Variants in RIPK1 observed in about 807,000 individuals in gnomAD.
RIPK1 encodes the protein receptor interacting serine/threonine kinase 1, also known as receptor-interacting serine/threonine-protein kinase 1.
In RIPK1, 27 loss-of-function variants were observed where a neutral mutation model predicts 62.4. The ratio of observed to expected loss-of-function variants is 0.43; its 90% CI spans 0.32 to 0.60. RIPK1 has a LOEUF of 0.60. Ranked by LOEUF, RIPK1 falls within the 20% of genes least tolerant of loss-of-function variation. RIPK1 has a pLI of 0.07. For synonymous variants in RIPK1, 287 were observed against 303.2 expected (o/e 0.95, Z 0.55); for missense variants, 735 against 831.0 (o/e 0.88, Z 1.42).
chr6:3,100,736 G>A (rs1026301191), intron 7 of RIPK1, among the ~76,000 whole-genome samples: 3 of 115,716 alleles, frequency 2.6e-5, no homozygotes, highest in Admixed American at 1.5e-4. Context: ...GATTACAGGC[G>A]TGTACCACCA....
intron 1 of RIPK1, among the ~76,000 whole-genome samples, chr6:3,074,003 G>A (rs145211423): frequency 1.6e-4 from 24 of 152,254 alleles, no homozygotes; most frequent in South Asian, 8.3e-4. Flanking sequence ...TACACATCTC[G>A]AAATACTTCA....
At chr6:3,099,759 A>C (rs1481150146) in intron 7 of RIPK1, among the ~76,000 whole-genome samples, 1 of 152,208 alleles carries the variant, frequency 6.6e-6, no homozygotes, top group African/African-American at 2.4e-5. Flanking sequence ...AATAACAAGC[A>C]GTCTTCTGCA....
chr6:3,087,664 C>G (rs182736744), intron 6 of RIPK1, among the ~76,000 whole-genome samples: 2 of 152,044 alleles, frequency 1.3e-5, no homozygotes, highest in East Asian at 3.9e-4. Context: ...CTCAGCCTCC[C>G]GAGTAGCTGG....
At chr6:3,079,235 A>T (rs187080380) in intron 3 of RIPK1, among the ~76,000 whole-genome samples, 1 of 152,036 alleles carries the variant, frequency 6.6e-6, no homozygotes, top group African/African-American at 2.4e-5. Flanking sequence ...GCCTACCACC[A>T]TGCCTGGCTA....
Position 3,072,195 on chromosome 6 carries a change from G to T in RIPK1, c.-61+3534G>T, listed in dbSNP as rs1758751686. Among the ~76,000 whole-genome samples, 15 of 152,220 alleles carry T rather than the reference G, an allele frequency of 9.9e-5. No individual in the cohort carries two copies. In the South Asian group the frequency reaches 3.1e-3, roughly 32 times the overall value. On this transcript the variant is annotated intron_variant, in intron 1 of 10. Transcript: ENST00000259808. This position sits in a 1 kb window ranked among gnomAD's most constrained non-coding sequence, Gnocchi z 5.6. ...TGATCCCTCAGAGTAAAGAAATACT[G>T]AGTCAAGGAATTATTCCTTTCAAAA... is the stretch of plus-strand genomic sequence containing the variant.
intron 7 of RIPK1, among the ~76,000 whole-genome samples, chr6:3,099,964 C>G (rs1224084551): frequency 6.6e-6 from 1 of 152,044 alleles, no homozygotes; most frequent in East Asian, 1.9e-4. Context: ...TAAGTAACTG[C>G]CCTAAATTAT....
chr6:3,113,408 T>G lies in RIPK1; in HGVS notation c.*69T>G. Reference sequence around the variant, plus strand: ...GGATAACCCCAGAAAGTTGGCTGCCTCAGAGCATTCAGAATTCTGTCCTCA... The same window carrying G: ...GGATAACCCCAGAAAGTTGGCTGCCGCAGAGCATTCAGAATTCTGTCCTCA... On this transcript the variant is annotated 3_prime_UTR_variant, in exon 11 of 11. Transcript: ENST00000259808. The surrounding 1 kb of genome is among the most constrained non-coding windows in gnomAD (Gnocchi z 5.0). The G allele has an allele frequency of 6.9e-7, 1 of 1,446,286 alleles. No homozygotes were observed. Among genetic ancestry groups the G allele is most frequent in the Non-Finnish European group, 9.4e-7 (1 of 1,064,902 alleles). 89.6% of individuals were successfully genotyped at this position (1,446,286 alleles called of 1,614,324 possible). A position where few individuals can be genotyped will look rare whatever the true frequency, so the allele number is the denominator to read the frequency against.
chr6:3,104,407 A>G, intron 8 of RIPK1, 92 bp downstream of exon 8: 1 of 669,274 alleles, frequency 1.5e-6, no homozygotes, highest in Non-Finnish European at 2.7e-6. Context: ...CCATATGGGA[A>G]ACAGAAGAAA....
intron 7 of RIPK1, among the ~76,000 whole-genome samples, chr6:3,090,760 G>A (rs1007806313): frequency 1.7e-4 from 25 of 151,330 alleles, no homozygotes; most frequent in Non-Finnish European, 4.4e-5. Context: ...AATAACCGCA[G>A]CGCACCTACC....
intron 7 of RIPK1, among the ~76,000 whole-genome samples, chr6:3,099,539 G>A (rs112657186): frequency 0.025 from 3,837 of 152,120 alleles, 168 homozygotes; most frequent in African/African-American, 0.088. Context: ...GTGAGACTCC[G>A]TCTCAAAAAA....
Position 3,113,974 on chromosome 6 carries a change from T to C in RIPK1, c.*635T>C, listed in dbSNP as rs1323637822. 3 of 152,256 alleles carry C rather than the reference T, an allele frequency of 2.0e-5. No individual in the cohort carries two copies. The highest frequency in any genetic ancestry group is 4.8e-5 in the African/African-American group (2 of 41,462). 9.4% of individuals were successfully genotyped at this position (152,256 alleles called of 1,614,324 possible). ...TAATACCCAATACTCTGTCAGCCAC[T>C]GTAGGCTCTAAGAACCACGTGCAGT... On this transcript the variant is annotated 3_prime_UTR_variant, in exon 11 of 11. Transcript: ENST00000259808. The surrounding 1 kb of genome is among the most constrained non-coding windows in gnomAD (Gnocchi z 5.0).
At chr6:3,111,825 C>G (rs1206514792) in intron 10 of RIPK1, among the ~76,000 whole-genome samples, 1 of 152,188 alleles carries the variant, frequency 6.6e-6, no homozygotes, top group Non-Finnish European at 1.5e-5. Context: ...GGATCTACCC[C>G]CTACAGAAAT....
At chr6:3,069,984 T>G (rs1758618657) in intron 1 of RIPK1, among the ~76,000 whole-genome samples, 1 of 151,820 alleles carries the variant, frequency 6.6e-6, no homozygotes, top group African/African-American at 2.4e-5. Context: ...CACTCTATCC[T>G]GGGCGACAGA....
intron 7 of RIPK1, among the ~76,000 whole-genome samples, chr6:3,098,571 G>A (rs1258058147): frequency 6.6e-6 from 1 of 152,198 alleles, no homozygotes; most frequent in African/African-American, 2.4e-5. Flanking sequence ...TAAAAGGAGT[G>A]CAATCCTAAT....
rs530996214 is a variant in RIPK1 at position 3,087,411 on chromosome 6, GT to G, written c.838+2004del. On this transcript the variant is annotated intron_variant, in intron 6 of 10. Coordinates refer to ENST00000259808, the MANE Select transcript of RIPK1 (RefSeq NM_001354930.2). The stretch of plus-strand genomic sequence containing the variant: ...TAGTCCCACAGGTCCCTGAGGCTTT[GT>G]GTTTTTTTTGTTTTTTTTGTTTTTG... 8.0e-3 allele frequency among the ~76,000 whole-genome samples: 1,136 copies of G among 141,242 alleles called. 14 individuals are homozygous for G. The highest frequency in any genetic ancestry group is 0.033 in the African/African-American group (1,048 of 32,066). 92.7% of individuals were successfully genotyped at this position (141,242 alleles called of 152,430 possible).
chr6:3,089,440 A>C (rs1023827660), intron 6 of RIPK1, 141 bp from the exon 7 acceptor site: 1 of 620,114 alleles, frequency 1.6e-6, no homozygotes, highest in Non-Finnish European at 2.9e-6. Flanking sequence ...TCTCTATCAG[A>C]GTCAGTGATT....
upstream of RIPK1, among the ~76,000 whole-genome samples, chr6:3,066,106 C>T (rs1680424305): frequency 6.6e-6 from 1 of 152,190 alleles, no homozygotes; most frequent in African/African-American, 2.4e-5. Context: ...TCACTGCAAC[C>T]TCCGCCTTCT....
chr6:3,109,852 G>T (rs1439259698), intron 9 of RIPK1, among the ~76,000 whole-genome samples: 1 of 152,178 alleles, frequency 6.6e-6, no homozygotes, highest in African/African-American at 2.4e-5. Context: ...ACTCTGACCA[G>T]TCTAGGTACC....
chr6:3,098,299 T>C (rs115752096), intron 7 of RIPK1, among the ~76,000 whole-genome samples: 2 of 152,318 alleles, frequency 1.3e-5, no homozygotes, highest in East Asian at 1.9e-4. Context: ...GGAAAAGATA[T>C]GCAACCCAGT....
Sources: gnomAD v4.1 joint callset for allele counts (sites outside exome capture counted in the v4.1 genomes callset) on GRCh38, gnomAD v4.1.1 for gene constraint, Gnocchi (gnomAD v3.1) non-coding constraint, MANE v1.5 for transcripts, NCBI Gene and HGNC (gene_info 2026-07-23, HGNC 2026-07-21) for gene names.